Variants in DSCAM observed in about 807,000 individuals in gnomAD.
The protein encoded by DSCAM is DS cell adhesion molecule.
Under a neutral mutation model 217.7 loss-of-function variants are expected in DSCAM, and 47 were observed. The observed-to-expected ratio is 0.22, with a 90% CI of 0.17 to 0.28. The LOEUF (loss-of-function observed/expected upper bound fraction) is 0.28. Ranked by LOEUF, DSCAM falls within the 10% of genes least tolerant of loss-of-function variation. The pLI is 1.00. For synonymous variants in DSCAM, 1,056 were observed against 1,015.3 expected (o/e 1.04, Z -0.76); for missense variants, 2,080 against 2,618.3 (o/e 0.79, Z 4.49).
rs76270332 is a variant in DSCAM at position 40,706,617 on chromosome 21, G to C, written c.361+1837C>G. ...GACCTGATACAGAAGAGGATACCCC[G>C]TGAGTGAGCAGTCATCACCCTCAAA... On this transcript the variant is annotated intron_variant, in intron 2 of 32. Coordinates refer to ENST00000400454, the MANE Select transcript of DSCAM (RefSeq NM_001389.5). 3.2e-3 allele frequency among the ~76,000 whole-genome samples: 491 copies of C among 152,230 alleles called. 2 individuals are homozygous for C. Among genetic ancestry groups the C allele is most frequent in the African/African-American group, 0.011 (468 of 41,534 alleles).
intron 24 of DSCAM, among the ~76,000 whole-genome samples, chr21:40,082,608 G>C (rs948493953): frequency 1.3e-5 from 2 of 151,662 alleles, no homozygotes; most frequent in Non-Finnish European, 2.9e-5. Context: ...CCACAAGGCA[G>C]CTATTACAAA....
At chr21:40,572,090 GTGT>G (rs2076811841) in intron 3 of DSCAM, among the ~76,000 whole-genome samples, 5 of 21,386 alleles carry the variant, frequency 2.3e-4, no homozygotes, top group South Asian at 3.7e-3. Flanking sequence ...GTGTGGGTGT[GTGT>G]GTGTGTGTGT....
At chr21:40,138,616 G>A (rs2090244106) in intron 18 of DSCAM, among the ~76,000 whole-genome samples, 1 of 142,290 alleles carries the variant, frequency 7.0e-6, no homozygotes, top group South Asian at 2.4e-4. Context: ...TGTGTGTGGT[G>A]AGTGTGTGGT....
chr21:40,395,128 T>C (rs1199655207), intron 3 of DSCAM, among the ~76,000 whole-genome samples: 1 of 152,184 alleles, frequency 6.6e-6, no homozygotes, highest in Non-Finnish European at 1.5e-5. Flanking sequence ...AATGATAGCA[T>C]TGTATTTTAA....
chr21:40,817,086 C>A (rs1224032843), intron 1 of DSCAM, among the ~76,000 whole-genome samples: 3 of 147,528 alleles, frequency 2.0e-5, no homozygotes, highest in Admixed American at 1.3e-4. Flanking sequence ...AAATTAGATT[C>A]TTTTTTTTTT....
intron 1 of DSCAM, among the ~76,000 whole-genome samples, chr21:40,747,358 G>A (rs1451258143): frequency 6.7e-6 from 1 of 150,236 alleles, no homozygotes; most frequent in Non-Finnish European, 1.5e-5. Flanking sequence ...ATAAAATCAG[G>A]GATGAAAAAG....
rs555364800 is a variant in DSCAM, at chr21:40,165,534, T to TG, written c.3018+1683_3018+1684insC. ...GCTTCCTTTTAATAGTCCCACAACA[T>TG]TTCACCCTTTGGCACTAAAGAGAAA... On this transcript the variant is annotated intron_variant, in intron 16 of 32. Transcript: ENST00000400454. Among the ~76,000 whole-genome samples, 66 of 152,324 alleles carry TG rather than the reference T, an allele frequency of 4.3e-4. 3 individuals carry two copies. In the South Asian group the frequency reaches 0.013, roughly 30 times the overall value.
At chr21:40,296,283 T>G (rs2073952939) in intron 9 of DSCAM, 109 bp from the exon 10 acceptor site, 2 of 1,293,238 alleles carry the variant, frequency 1.5e-6, no homozygotes, top group African/African-American at 3.0e-5. Context: ...ATGAAGACTG[T>G]TTCATACACA....
intron 1 of DSCAM, among the ~76,000 whole-genome samples, chr21:40,796,347 T>G (rs944299838): frequency 3.9e-5 from 6 of 152,180 alleles, no homozygotes; most frequent in African/African-American, 1.2e-4. Context: ...AAGGCTGTCT[T>G]TAAAGTGGTT....
At chr21:40,822,838 A>C (rs1341255614) in intron 1 of DSCAM, among the ~76,000 whole-genome samples, 1 of 152,170 alleles carries the variant, frequency 6.6e-6, no homozygotes, top group African/African-American at 2.4e-5. Flanking sequence ...AAGAATTTAC[A>C]CATAAACTTC....
At chr21:40,533,372 A>T (rs2076464583) in intron 3 of DSCAM, among the ~76,000 whole-genome samples, 1 of 152,194 alleles carries the variant, frequency 6.6e-6, no homozygotes, top group Non-Finnish European at 1.5e-5. Context: ...TCAAGATCTG[A>T]TGCACAAAAC....
intron 3 of DSCAM, among the ~76,000 whole-genome samples, chr21:40,610,664 T>C (rs908432011): frequency 6.6e-6 from 1 of 152,214 alleles, no homozygotes; most frequent in Non-Finnish European, 1.5e-5. Context: ...CAGTTTTACA[T>C]GAACCATGTC....
At chr21:40,172,378 GT>G (rs1423374760) in intron 15 of DSCAM, among the ~76,000 whole-genome samples, 1 of 152,218 alleles carries the variant, frequency 6.6e-6, no homozygotes, top group Admixed American at 6.5e-5. Flanking sequence ...TTTGTATTAT[GT>G]TTGCAAAGGT....
chr21:40,156,283 AAGACAGAGAGAGAGAGAG>A (rs1305690919), intron 16 of DSCAM, among the ~76,000 whole-genome samples: 1,615 of 86,212 alleles, frequency 0.019, 33 homozygotes, highest in African/African-American at 0.059. Flanking sequence ...CAGTCAAACT[AAGACAGAGAGAGAGAGAG>A]AGAGAGAGAG....
chr21:40,211,070 A>T (rs900324755), intron 11 of DSCAM, among the ~76,000 whole-genome samples: 1 of 152,202 alleles, frequency 6.6e-6, no homozygotes, highest in African/African-American at 2.4e-5. Flanking sequence ...CCACTAAGGT[A>T]TTCTCCACCT....
At chr21:40,367,572 A>G (rs2074846910) in intron 4 of DSCAM, among the ~76,000 whole-genome samples, 1 of 152,198 alleles carries the variant, frequency 6.6e-6, no homozygotes, top group African/African-American at 2.4e-5. Context: ...CTCATCTTTT[A>G]GCATTAACAA....
chr21:40,605,330 T>C (rs1182199704), intron 3 of DSCAM, among the ~76,000 whole-genome samples: 2 of 152,144 alleles, frequency 1.3e-5, no homozygotes, highest in South Asian at 2.1e-4. Flanking sequence ...CCCTGTGACC[T>C]CAATCCTCTG....
At chr21:40,123,039 G>T (rs758037773) in intron 20 of DSCAM, among the ~76,000 whole-genome samples, 1 of 152,174 alleles carries the variant, frequency 6.6e-6, no homozygotes, top group Non-Finnish European at 1.5e-5. Context: ...GAAACGAGCT[G>T]GTCACTAAAT....
intron 1 of DSCAM, among the ~76,000 whole-genome samples, chr21:40,746,968 GGAGT>G (rs559957800): frequency 1.5e-3 from 224 of 151,974 alleles, no homozygotes; most frequent in African/African-American, 4.4e-3. Context: ...GAGCAACAGA[GGAGT>G]TAGTGAAGAA....
Sources: allele counts gnomAD v4.1 joint callset (sites outside exome capture counted in the v4.1 genomes callset), GRCh38; gene constraint gnomAD v4.1.1; transcripts MANE v1.5; gene names NCBI Gene and HGNC (gene_info 2026-07-23, HGNC 2026-07-21).